The following TPTE2 variants were observed in gnomAD, a reference collection of about 807,000 sequenced individuals.
The protein encoded by TPTE2 is transmembrane phosphoinositide 3-phosphatase and tensin homolog 2, also known as phosphatidylinositol 3,4,5-trisphosphate 3-phosphatase TPTE2.
TPTE2 carries 53 observed loss-of-function variants against 78.6 expected under a neutral mutation model. The observed-to-expected ratio is 0.67, with a 90% CI of 0.54 to 0.85. The LOEUF (loss-of-function observed/expected upper bound fraction) is 0.85. TPTE2 is among the 40% of genes least tolerant of loss of function. The pLI is 0.00. For missense variants in TPTE2, 461 were observed against 623.0 expected (o/e 0.74, Z 2.77); for synonymous variants, 175 against 206.2 (o/e 0.85, Z 1.30).
chr13:19,547,682 GA>G, the TPTE2 span, among the ~76,000 whole-genome samples: 1 of 125,574 alleles, frequency 8.0e-6, no homozygotes, highest in Admixed American at 9.6e-5. Context: ...TACTGACAAG[GA>G]AATGCTTTCA....
At chr13:19,462,337 C>T (rs1878975670) in intron 10 of TPTE2, among the ~76,000 whole-genome samples, 2 of 151,954 alleles carry the variant, frequency 1.3e-5, no homozygotes, top group Admixed American at 1.3e-4. Context: ...CTTTATTTCT[C>T]CCTCATTTCT....
intron 1 of TPTE2, among the ~76,000 whole-genome samples, chr13:19,497,439 G>T (rs1442875387): frequency 8.4e-6 from 1 of 119,126 alleles, no homozygotes; most frequent in Non-Finnish European, 1.9e-5. Context: ...CTCCCAGCAC[G>T]CAGCTGGAGA....
intron 1 of TPTE2, among the ~76,000 whole-genome samples, chr13:19,533,216 A>T (rs906434442): frequency 3.3e-5 from 5 of 152,206 alleles, no homozygotes; most frequent in Non-Finnish European, 4.4e-5. Flanking sequence ...GTGTCCACTC[A>T]TTTGGACATA....
chr13:19,551,143 T>A, the TPTE2 span, among the ~76,000 whole-genome samples: 6 of 152,176 alleles, frequency 3.9e-5, no homozygotes, highest in South Asian at 4.1e-4. Flanking sequence ...TGGCCAATAA[T>A]GGAAAGAGCT....
intron 1 of TPTE2, among the ~76,000 whole-genome samples, chr13:19,510,321 C>T (rs1423739660): frequency 6.6e-6 from 1 of 152,020 alleles, no homozygotes; most frequent in African/African-American, 2.4e-5. Context: ...GCACAAGAAG[C>T]CTGATGCCAA....
At chr13:19,512,414 T>C (rs891613834) in intron 1 of TPTE2, among the ~76,000 whole-genome samples, 2 of 152,212 alleles carry the variant, frequency 1.3e-5, no homozygotes, top group Admixed American at 6.5e-5. Context: ...TAAGTCCTCC[T>C]GGTGAAAATG....
chr13:19,560,554 T>C, the TPTE2 span: 31 of 1,596,952 alleles, frequency 1.9e-5, no homozygotes, highest in African/African-American at 2.7e-5. Context: ...TGGGATGCTC[T>C]TGGCCCAGCT....
Position 19,483,974 on chromosome 13 carries a change from T to C in TPTE2, c.120-1427A>G, listed in dbSNP as rs1433674588. Among the ~76,000 whole-genome samples the C allele has an allele frequency of 1.4e-4, 18 of 130,620 alleles. No individual in the cohort carries two copies. The Admixed American group carries it at 1.6e-3, about 12-fold the overall frequency. The allele number at this position is 130,620 out of a possible 152,430, so 85.7% of individuals were successfully genotyped here. ...CCAGTGTGTGATATCCCCCTTCCCG[T>C]GTCCAAGTGTTCTCATTGTTCTATT... On this transcript the variant is annotated intron_variant, in intron 3 of 19. Transcript: ENST00000400230.
chr13:19,535,150 G>C lies in TPTE2; in HGVS notation c.-44+1446C>G, dbSNP rs1871126706. Reference sequence around the variant, plus strand: ...ACCCAGGAGGCGGAGGTTGCAGTGAGCTGAGATCACAAACTGCACTCTAGC... The same window carrying C: ...ACCCAGGAGGCGGAGGTTGCAGTGACCTGAGATCACAAACTGCACTCTAGC... On this transcript the variant is annotated intron_variant, in intron 1 of 17. Transcript: ENST00000390680. The surrounding 1 kb of genome is among the most constrained non-coding windows in gnomAD (Gnocchi z 5.1). Among the ~76,000 whole-genome samples, 1 of 151,970 alleles carries C rather than the reference G, an allele frequency of 6.6e-6. No individual in the cohort carries two copies. Among genetic ancestry groups the C allele is most frequent in the South Asian group, 2.1e-4 (1 of 4,812 alleles).
chr13:19,453,979 T>C (rs1044767453), intron 10 of TPTE2, among the ~76,000 whole-genome samples: 1 of 152,198 alleles, frequency 6.6e-6, no homozygotes. Flanking sequence ...TTCCTAAATC[T>C]ACCATACTCT....
intron 1 of TPTE2, among the ~76,000 whole-genome samples, chr13:19,523,121 G>A (rs770502933): frequency 6.6e-6 from 1 of 152,082 alleles, no homozygotes; most frequent in Non-Finnish European, 1.5e-5. Context: ...ACGTAATGAC[G>A]TTTCTCTGGG....
chr13:19,438,886 AGG>A (rs1375921894), intron 13 of TPTE2, among the ~76,000 whole-genome samples: 16 of 152,206 alleles, frequency 1.1e-4, no homozygotes, highest in African/African-American at 2.9e-4. Flanking sequence ...GTGAAGCCTC[AGG>A]GTGTGAGAGA....
At chr13:19,475,026 AG>A (rs1333631416) in intron 5 of TPTE2, among the ~76,000 whole-genome samples, 1 of 152,204 alleles carries the variant, frequency 6.6e-6, no homozygotes, top group African/African-American at 2.4e-5. Flanking sequence ...CTTAGGCAAA[AG>A]CCATTTATTT....
At chr13:19,506,317 G>C (rs1234200411), upstream of TPTE2, among the ~76,000 whole-genome samples, 1 of 148,840 alleles carries the variant, frequency 6.7e-6, no homozygotes, top group South Asian at 2.1e-4. Context: ...GACTACAGGC[G>C]CCCGCCACTA....
Position 19,430,451 on chromosome 13 carries a change from C to T in TPTE2, c.1302+17G>A. Reference sequence around the variant, plus strand: ...AAACAAACATCAGATTTTTTCAATTCACATGTTTTCTCTTACCGAACAATT... The same window carrying T: ...AAACAAACATCAGATTTTTTCAATTTACATGTTTTCTCTTACCGAACAATT... On this transcript the variant is annotated intron_variant, in intron 17 of 19. Coordinates refer to ENST00000400230, the Ensembl canonical transcript of TPTE2. 1.3e-6 allele frequency: 2 copies of T among 1,592,146 alleles called. No individual in the cohort carries two copies. The highest frequency in any genetic ancestry group is 1.1e-5 in the South Asian group (1 of 89,074).
the TPTE2 span, among the ~76,000 whole-genome samples, chr13:19,550,844 A>G: frequency 6.2e-3 from 938 of 151,266 alleles, 5 homozygotes; most frequent in Non-Finnish European, 8.9e-3. Context: ...CGCCCTGGCT[A>G]GAGTGCAGTG....
chr13:19,540,322 G>C (rs1485144852), upstream of TPTE2, among the ~76,000 whole-genome samples: 1 of 94,652 alleles, frequency 1.1e-5, no homozygotes, highest in Non-Finnish European at 2.5e-5. Flanking sequence ...TTTTTTTTAA[G>C]ACAAAGTCTA....
the TPTE2 span, chr13:19,560,518 T>A: frequency 1.3e-3 from 2,100 of 1,588,100 alleles, 6 homozygotes; most frequent in Middle Eastern, 0.013. Context: ...TGACATCTGG[T>A]CAGACAGCGA....
intron 10 of TPTE2, among the ~76,000 whole-genome samples, chr13:19,459,140 G>A (rs896381746): frequency 6.6e-6 from 1 of 152,110 alleles, no homozygotes; most frequent in African/African-American, 2.4e-5. Flanking sequence ...GTATCTCATT[G>A]TGGTTTTGTT....
Sources: gnomAD v4.1 joint callset for allele counts (sites outside exome capture counted in the v4.1 genomes callset) on GRCh38, gnomAD v4.1.1 for gene constraint, Gnocchi (gnomAD v3.1) non-coding constraint, MANE v1.5 for transcripts, NCBI Gene and HGNC (gene_info 2026-07-23, HGNC 2026-07-21) for gene names.